TMCC3: variants seen among roughly 807,000 people sequenced by gnomAD.
TMCC3 encodes transmembrane and coiled-coil domain protein 3.
TMCC3 carries 28 observed loss-of-function variants against 40.2 expected under a neutral mutation model. The ratio of observed to expected loss-of-function variants is 0.70; its 90% confidence interval spans 0.52 to 0.95. The LOEUF (loss-of-function observed/expected upper bound fraction) is 0.95. TMCC3 is among the 40% of genes least tolerant of loss of function. The pLI, the probability that TMCC3 is intolerant of heterozygous loss-of-function variation, is 0.00. For synonymous variants in TMCC3, 255 were observed against 248.5 expected, an observed-to-expected ratio of 1.03 and a Z score of -0.25; for missense variants, 554 against 615.2, an observed-to-expected ratio of 0.90 and a Z score of 1.05.
Position 94,568,138 on chromosome 12 carries a change from T to G in TMCC3, c.*3297A>C, listed in dbSNP as rs1268127247. 1.3e-5 allele frequency: 2 copies of G among 152,182 alleles called. No individual in the cohort carries two copies. The highest frequency in any genetic ancestry group is 2.9e-5 in the Non-Finnish European group (2 of 68,036). The allele number at this position is 152,182 out of a possible 1,614,324, so 9.4% of individuals were successfully genotyped here. A position where few individuals can be genotyped will look rare whatever the true frequency, so the allele number is the denominator to read the frequency against. On this transcript the variant is annotated 3_prime_UTR_variant, in exon 4 of 4. Coordinates refer to ENST00000261226, the MANE Select transcript of TMCC3 (RefSeq NM_020698.4). The stretch of plus-strand genomic sequence containing the variant: ...CGGAAGATTTCCTTCTGTGAATAGC[T>G]GACAAGGATCACGCAGGCAAAAATG...
chr12:94,606,768 G>A (rs1474893135), intron 1 of TMCC3, among the ~76,000 whole-genome samples: 1 of 152,060 alleles, frequency 6.6e-6, no homozygotes, highest in Non-Finnish European at 1.5e-5. Flanking sequence ...GGGGGTGTAC[G>A]AACAGGGCGT....
At chr12:94,642,406 A>C (rs1040087306) in intron 1 of TMCC3, among the ~76,000 whole-genome samples, 1 of 152,234 alleles carries the variant, frequency 6.6e-6, no homozygotes, top group Non-Finnish European at 1.5e-5. Flanking sequence ...AATTCAGTCA[A>C]GCCAGGGTTC....
At chr12:94,598,763 G>A (rs1285244852) in intron 1 of TMCC3, 9 of 985,274 alleles carry the variant, frequency 9.1e-6, no homozygotes, top group Admixed American at 6.1e-5. Context: ...GCAGAGAACA[G>A]TCCTCCTCTA....
At chr12:94,607,516 T>C (rs779948284) in intron 1 of TMCC3, among the ~76,000 whole-genome samples, 1 of 152,236 alleles carries the variant, frequency 6.6e-6, no homozygotes, top group Non-Finnish European at 1.5e-5. Flanking sequence ...TAAATGTCCA[T>C]GAAATCTTCA....
At chr12:94,590,163 G>A (rs896785687) in intron 1 of TMCC3, among the ~76,000 whole-genome samples, 11 of 141,386 alleles carry the variant, frequency 7.8e-5, no homozygotes, top group African/African-American at 2.7e-4. Context: ...GTGCAGTGTC[G>A]CGATCTCCGC....
At chr12:94,631,333 C>A (rs953882902) in intron 1 of TMCC3, among the ~76,000 whole-genome samples, 4 of 152,176 alleles carry the variant, frequency 2.6e-5, no homozygotes, top group African/African-American at 4.8e-5. Context: ...CCCCCACTAC[C>A]TCACAATGTA....
Position 94,571,468 on chromosome 12 carries a change from C to T in TMCC3, c.1401G>A (p.Leu467=). 1 of 1,613,796 alleles carries T rather than the reference C, an allele frequency of 6.2e-7. No homozygotes were observed. Among genetic ancestry groups the T allele is most frequent in the Non-Finnish European group, 8.5e-7 (1 of 1,179,986 alleles). The change falls in exon 4 of 4, where the codon CTG becomes CTA. Residue 467 remains leucine (L), a synonymous_variant. Transcript: ENST00000261226. ...AIFCKNWDHI[L]CAIERMIIPR ...GTATTATCATCCTTTCTATGGCACA[C>T]AGGATATGGTCCCAGTTTTTACAAA... is the stretch of plus-strand genomic sequence containing the variant.
chr12:94,617,237 C>G (rs1294346829), intron 1 of TMCC3, among the ~76,000 whole-genome samples: 1 of 152,136 alleles, frequency 6.6e-6, no homozygotes, highest in Non-Finnish European at 1.5e-5. Flanking sequence ...TCCTGATGAA[C>G]AGAGAGAGAA....
intron 1 of TMCC3, chr12:94,644,418 G>A (rs915182396): frequency 1.4e-5 from 14 of 985,300 alleles, no homozygotes; most frequent in Admixed American, 1.2e-4. Context: ...TGGAGATGCC[G>A]GCAGAGGGTC....
chr12:94,601,896 A>T (rs1474976916), intron 1 of TMCC3, among the ~76,000 whole-genome samples: 1 of 152,062 alleles, frequency 6.6e-6, no homozygotes, highest in African/African-American at 2.4e-5. Context: ...CAGGTTACAA[A>T]CACAAACAAA....
rs1325473167 is a variant in TMCC3, at chr12:94,593,393, A to AG, written c.79-10856dup. On this transcript the variant is annotated intron_variant, in intron 1 of 3. Coordinates refer to ENST00000261226, the MANE Select transcript of TMCC3 (RefSeq NM_020698.4). ...AAAAAGAAAAGAAAAGAAAGAAGAA[A>AG]GAAGAAAGAAGAAGAAGGAAGAAGA... Among the ~76,000 whole-genome samples, 12 of 28,436 alleles carry AG rather than the reference A, an allele frequency of 4.2e-4. 2 individuals carry two copies. Among genetic ancestry groups the AG allele is most frequent in the Non-Finnish European group, 8.2e-4 (10 of 12,250 alleles). 18.7% of individuals were successfully genotyped at this position (28,436 alleles called of 152,430 possible).
intron 1 of TMCC3, among the ~76,000 whole-genome samples, chr12:94,587,659 T>C (rs1323672273): frequency 6.6e-6 from 1 of 152,240 alleles, no homozygotes; most frequent in Non-Finnish European, 1.5e-5. Context: ...TCAACAAATG[T>C]TTGTTACTGT....
chr12:94,571,282 G>T lies in TMCC3; in HGVS notation c.*153C>A, dbSNP rs1290910. ...CAAGGACTGAGTTGGCAACTGCTAC[G>T]GAGTTAAGAGAATTGTAGTTATTTA... is the stretch of plus-strand genomic sequence containing the variant. On this transcript the variant is annotated 3_prime_UTR_variant, in exon 4 of 4. Coordinates refer to ENST00000261226, the MANE Select transcript of TMCC3 (RefSeq NM_020698.4). 4.1e-5 allele frequency: 32 copies of T among 775,574 alleles called. No homozygotes were observed. The East Asian group carries it at 6.2e-4, about 15-fold the overall frequency. 48.0% of individuals were successfully genotyped at this position (775,574 alleles called of 1,614,324 possible). A position where few individuals can be genotyped will look rare whatever the true frequency, so the allele number is the denominator to read the frequency against.
At chr12:94,647,923 C>A (rs913061026) in intron 1 of TMCC3, among the ~76,000 whole-genome samples, 11 of 152,174 alleles carry the variant, frequency 7.2e-5, no homozygotes, top group African/African-American at 2.7e-4. Flanking sequence ...ACTAGTTCTA[C>A]CTATTCCTCG....
At chr12:94,635,268 G>A (rs2068953793) in intron 1 of TMCC3, among the ~76,000 whole-genome samples, 1 of 152,220 alleles carries the variant, frequency 6.6e-6, no homozygotes, top group Non-Finnish European at 1.5e-5. Flanking sequence ...TAGGAGGAAT[G>A]TGCAGGCTTG....
intron 1 of TMCC3, among the ~76,000 whole-genome samples, chr12:94,585,738 A>C (rs752540103): frequency 2.6e-5 from 4 of 152,132 alleles, no homozygotes; most frequent in Non-Finnish European, 4.4e-5. Context: ...TCTGCCATGA[A>C]GCTTTTCCCA....
At chr12:94,585,051 G>A (rs1359393082) in intron 1 of TMCC3, among the ~76,000 whole-genome samples, 1 of 152,088 alleles carries the variant, frequency 6.6e-6, no homozygotes, top group Non-Finnish European at 1.5e-5. Flanking sequence ...GGTAATTAAT[G>A]GTAACTGTAC....
intron 1 of TMCC3, among the ~76,000 whole-genome samples, chr12:94,593,387 GAAGA>G (rs1230826854): frequency 2.3e-3 from 44 of 19,124 alleles, no homozygotes; most frequent in South Asian, 0.01. Flanking sequence ...AGAAAAGAAA[GAAGA>G]AAGAAGAAAG....
intron 2 of TMCC3, among the ~76,000 whole-genome samples, chr12:94,580,995 A>G (rs1256372499): frequency 6.6e-6 from 1 of 152,218 alleles, no homozygotes; most frequent in Admixed American, 6.5e-5. Context: ...ATTGTCAGCT[A>G]AAAGCCACAA....
Sources: allele counts gnomAD v4.1 joint callset (sites outside exome capture counted in the v4.1 genomes callset), GRCh38; gene constraint gnomAD v4.1.1; transcripts MANE v1.5; gene names NCBI Gene and HGNC (gene_info 2026-07-23, HGNC 2026-07-21).